FYB2: variants seen among roughly 807,000 people sequenced by gnomAD.
The protein encoded by FYB2 is FYN binding protein 2.
In FYB2, 103 loss-of-function variants were observed where a neutral mutation model predicts 94.1. That is an observed-to-expected ratio of 1.09 (90% confidence interval 0.93 to 1.29). The LOEUF is 1.29. FYB2 is among the 50% of genes most tolerant of loss of function. FYB2 has a pLI of 0.00. For synonymous variants in FYB2, 293 were observed against 287.9 expected, an observed-to-expected ratio of 1.02 and a Z score of -0.18; for missense variants, 896 against 841.5, an observed-to-expected ratio of 1.06 and a Z score of -0.80.
At chr1:56,761,929 T>C (rs1211269845) in intron 5 of FYB2, 2 of 152,208 alleles carry the variant, frequency 1.3e-5, no homozygotes, top group Admixed American at 6.5e-5. Flanking sequence ...TAAGCCAAAG[T>C]TTATTTTCGT....
chr1:56,756,798 G>A (rs1222494950), intron 6 of FYB2, among the ~76,000 whole-genome samples: 1 of 152,092 alleles, frequency 6.6e-6, no homozygotes, highest in Non-Finnish European at 1.5e-5. Context: ...TACTGTCTAT[G>A]CACAAGTGCT....
intron 1 of FYB2, among the ~76,000 whole-genome samples, chr1:56,808,326 C>T (rs1411544578): frequency 1.3e-5 from 2 of 152,128 alleles, no homozygotes; most frequent in Non-Finnish European, 2.9e-5. Flanking sequence ...CAATTCTTGG[C>T]TGCAAGCAGT....
At chr1:56,821,394 G>T (rs770646855), upstream of FYB2, among the ~76,000 whole-genome samples, 2 of 152,198 alleles carry the variant, frequency 1.3e-5, no homozygotes, top group Non-Finnish European at 2.9e-5. Flanking sequence ...TGTTTTGCCA[G>T]TCGGCTTAAG....
intron 15 of FYB2, among the ~76,000 whole-genome samples, chr1:56,731,694 G>A (rs1569880326): frequency 1.3e-5 from 2 of 152,000 alleles, no homozygotes; most frequent in Admixed American, 1.3e-4. Flanking sequence ...ATTCAACATA[G>A]GCAAATCAAT....
intron 9 of FYB2, 97 bp from the exon 10 acceptor site, chr1:56,744,363 G>A: frequency 1.1e-6 from 1 of 907,992 alleles, no homozygotes; most frequent in South Asian, 1.4e-5. Context: ...CATAAGAAAA[G>A]GCAGATTAAA....
At chr1:56,740,841 A>G (rs749774712) in intron 12 of FYB2, 46 bp from the exon 13 acceptor site, 2 of 1,297,276 alleles carry the variant, frequency 1.5e-6, no homozygotes, top group Non-Finnish European at 2.2e-6. Context: ...TTAAGAGAGT[A>G]CTAGAGATAG....
intron 4 of FYB2, 124 bp from the exon 5 acceptor site, chr1:56,768,062 A>G (rs1447033090): frequency 3.0e-6 from 2 of 667,160 alleles, no homozygotes; most frequent in African/African-American, 1.8e-5. Context: ...CTAAGCATAT[A>G]TGGGAGGCAC....
chr1:56,788,778 C>A (rs1646188751), intron 3 of FYB2, 195 bp downstream of exon 3: 1 of 699,320 alleles, frequency 1.4e-6, no homozygotes, highest in Non-Finnish European at 2.4e-6. Context: ...GTGGGCTGGT[C>A]TAGGAGCGAT....
rs142646394 is a variant in FYB2 at position 56,813,061 on chromosome 1, C to T, written c.9+6221G>A. Among the ~76,000 whole-genome samples the T allele has an allele frequency of 3.7e-3, 560 of 152,274 alleles. 6 individuals carry two copies. The highest frequency in any genetic ancestry group is 0.013 in the African/African-American group (545 of 41,554). On this transcript the variant is annotated intron_variant, in intron 1 of 19. Coordinates refer to ENST00000343433, the MANE Select transcript of FYB2 (RefSeq NM_001004303.5). ...ACCTCTCTCCTTGGCTTGTAGATGGCTGTCTTCATGTTCACATGGTGTCTT... is the reference window on the plus strand; with the variant it reads ...ACCTCTCTCCTTGGCTTGTAGATGGTTGTCTTCATGTTCACATGGTGTCTT...
chr1:56,750,499 C>T (rs1229058648), intron 9 of FYB2, among the ~76,000 whole-genome samples: 1 of 151,918 alleles, frequency 6.6e-6, no homozygotes, highest in Non-Finnish European at 1.5e-5. Context: ...CTAGGTGAAC[C>T]TCCTTTTCTT....
chr1:56,791,637 AGAATGAGG>A (rs1427471377), intron 2 of FYB2, among the ~76,000 whole-genome samples: 1 of 152,186 alleles, frequency 6.6e-6, no homozygotes, highest in African/African-American at 2.4e-5. Context: ...TTCAGTGTGT[AGAATGAGG>A]GAGGAGAAGG....
chr1:56,739,522 A>G (rs1402725628), intron 13 of FYB2, among the ~76,000 whole-genome samples: 2 of 152,086 alleles, frequency 1.3e-5, no homozygotes, highest in Non-Finnish European at 2.9e-5. Context: ...CCATCTCACT[A>G]TAGGTAATTA....
chr1:56,787,163 G>A lies in FYB2; in HGVS notation c.953+12C>T. 1 of 1,613,854 alleles carries A rather than the reference G, an allele frequency of 6.2e-7. No individual in the cohort carries two copies. Among genetic ancestry groups the A allele is most frequent in the Non-Finnish European group, 8.5e-7 (1 of 1,179,790 alleles). On this transcript the variant is annotated intron_variant, in intron 4 of 19. Coordinates refer to ENST00000343433, the MANE Select transcript of FYB2 (RefSeq NM_001004303.5). Reference sequence around the variant, plus strand: ...GGCTACGTTCCTACACAACTAAGGAGCATGTACTTACCTCTCTGGAGACAG... The same window carrying A: ...GGCTACGTTCCTACACAACTAAGGAACATGTACTTACCTCTCTGGAGACAG...
intron 16 of FYB2, among the ~76,000 whole-genome samples, chr1:56,724,911 C>T (rs1644555431): frequency 6.6e-6 from 1 of 151,992 alleles, no homozygotes; most frequent in Non-Finnish European, 1.5e-5. Flanking sequence ...GGTTGTCTCC[C>T]TCATGAATGG....
intron 4 of FYB2, among the ~76,000 whole-genome samples, chr1:56,782,193 G>A (rs1049090314): frequency 6.6e-6 from 1 of 151,712 alleles, no homozygotes; most frequent in Admixed American, 6.6e-5. Flanking sequence ...CTGATCTATC[G>A]AACACTAGTT....
At chr1:56,822,302 T>C (rs1646997338), upstream of FYB2, among the ~76,000 whole-genome samples, 2 of 152,190 alleles carry the variant, frequency 1.3e-5, no homozygotes, top group East Asian at 3.9e-4. Flanking sequence ...AGGTGCTCTG[T>C]TTGCTTCTAT....
Position 56,819,279 on chromosome 1 carries a change from T to C in FYB2, c.9+3A>G. On this transcript the variant is annotated splice_donor_region_variant and intron_variant, in intron 1 of 19. Transcript: ENST00000343433. ...GCCAGCAACAAAACTGAGACAGCCT[T>C]ACCCCTTCCATTGCTTTCCTCCAAG... 1.9e-6 allele frequency: 3 copies of C among 1,614,180 alleles called. No individual in the cohort carries two copies. The highest frequency in any genetic ancestry group is 2.5e-6 in the Non-Finnish European group (3 of 1,180,026).
intron 1 of FYB2, among the ~76,000 whole-genome samples, chr1:56,812,622 C>T (rs1646792444): frequency 6.6e-6 from 1 of 152,062 alleles, no homozygotes; most frequent in South Asian, 2.1e-4. Context: ...TCCCCAGGGG[C>T]TTGTTATTTC....
intron 4 of FYB2, among the ~76,000 whole-genome samples, chr1:56,777,239 CAAAAAAAAAAAAAAAAAAAAAAA>C (rs1453236717): frequency 2.1e-4 from 1 of 4,798 alleles, no homozygotes; most frequent in Non-Finnish European, 2.6e-4. Context: ...GTCTCAAAAA[CAAAAAAAAAAAAAAAAAAAAAAA>C]AAAAAAAAAA....
Sources: gnomAD v4.1 joint callset for allele counts (sites outside exome capture counted in the v4.1 genomes callset) on GRCh38, gnomAD v4.1.1 for gene constraint, MANE v1.5 for transcripts, NCBI Gene and HGNC (gene_info 2026-07-23, HGNC 2026-07-21) for gene names.